The following PRKAG1 variants were observed in gnomAD, a reference collection of about 807,000 sequenced individuals.
PRKAG1 encodes the protein 5'-AMP-activated protein kinase subunit gamma-1.
PRKAG1 carries 27 observed loss-of-function variants against 48.2 expected under a neutral mutation model. The observed-to-expected ratio is 0.56, with a 90% confidence interval of 0.41 to 0.77. The LOEUF (loss-of-function observed/expected upper bound fraction) is 0.77, where lower values mean the gene tolerates loss of function less well. Ranked by LOEUF, PRKAG1 falls within the 30% of genes least tolerant of loss-of-function variation. The pLI, the probability that PRKAG1 is intolerant of heterozygous loss-of-function variation, is 0.00. For missense variants in PRKAG1, 287 were observed against 398.3 expected (o/e 0.72, Z 2.38); for synonymous variants, 130 against 147.7 (o/e 0.88, Z 0.87).
intron 2 of PRKAG1, among the ~76,000 whole-genome samples, chr12:49,011,397 G>C (rs1262608799): frequency 6.6e-6 from 1 of 152,082 alleles, no homozygotes; most frequent in Non-Finnish European, 1.5e-5. Context: ...ATTTTTTGTA[G>C]AGACAGGGTC....
At chr12:49,015,362 A>G (rs140092690) in intron 1 of PRKAG1, among the ~76,000 whole-genome samples, 2 of 152,366 alleles carry the variant, frequency 1.3e-5, no homozygotes, top group East Asian at 3.9e-4. Context: ...CTGGAAACCT[A>G]GAACTATCTT....
chr12:49,015,740 G>GT (rs552646511), intron 1 of PRKAG1, among the ~76,000 whole-genome samples: 83 of 151,340 alleles, frequency 5.5e-4, no homozygotes, highest in South Asian at 1.7e-3. Context: ...GCCCAGCTAA[G>GT]TTTTTTTTTG....
chr12:49,018,489 A>G, intron 1 of PRKAG1: 4 of 1,387,120 alleles, frequency 2.9e-6, no homozygotes, highest in Non-Finnish European at 3.7e-6. Context: ...GGGAGCCAGG[A>G]GTCACTGCCT....
In PRKAG1 at chr12:49,003,225, T is replaced by C. The variant is rs1941365145; in HGVS notation, c.807A>G (p.Arg269=). Residue 269 remains arginine (R), a synonymous_variant, in exon 11 of 12, where the codon CGA becomes CGG. Transcript: ENST00000548065. ...TGAGAACACCCTCAAAGTAATGTGA[T>C]CGATGTTGCAAGGCTTTAGTCACAG... ...DVSVTKALQH[R]SHYFEGVLKC... 2.5e-6 allele frequency: 4 copies of C among 1,614,180 alleles called. No homozygotes were observed. Among genetic ancestry groups the C allele is most frequent in the Non-Finnish European group, 3.4e-6 (4 of 1,180,030 alleles).
chr12:49,018,733 G>A lies in PRKAG1; in HGVS notation c.8C>T (p.Thr3Met), dbSNP rs765950307. The A allele has an allele frequency of 7.4e-6, 12 of 1,613,112 alleles. No individual in the cohort carries two copies. The Admixed American group carries it at 1.0e-4, about 13-fold the overall frequency. The change falls in exon 1 of 12, where the codon ACG becomes ATG. Residue 3 changes from threonine (T) to methionine (M), a missense_variant and splice_region_variant. This residue lies in a region of PRKAG1 where 63 missense variants were observed against 54.0 expected (regional missense o/e 1.17). Transcript: ENST00000548065. The stretch of plus-strand genomic sequence containing the variant: ...CGACCGCCCTCCTGCACTCCTCACC[G>A]TCTCCATTGCAAGAGGCGCCCGGCT... ME[T>M]VISSDSSPAV...
At chr12:49,018,437 A>G in intron 1 of PRKAG1, 1 of 1,320,042 alleles carries the variant, frequency 7.6e-7, no homozygotes, top group South Asian at 1.9e-5. Context: ...GCCAATAGGA[A>G]AGGAGGCCCG....
chr12:49,013,920 T>C (rs1941861335), intron 1 of PRKAG1, among the ~76,000 whole-genome samples: 1 of 152,242 alleles, frequency 6.6e-6, no homozygotes, highest in South Asian at 2.1e-4. Context: ...AGTCTTGCTC[T>C]GTTGCCCAGG....
rs1942125665 is a variant in PRKAG1, at chr12:49,018,757, C to T, written c.-17G>A. 4 of 1,612,634 alleles carry T rather than the reference C, an allele frequency of 2.5e-6. No individual in the cohort carries two copies. Among genetic ancestry groups the T allele is most frequent in the South Asian group, 1.1e-5 (1 of 91,020 alleles). ...CGTCTCCATTGCAAGAGGCGCCCGG[C>T]TTGGTTTCCTCGCTTTAGGAAACTC... On this transcript the variant is annotated 5_prime_UTR_variant, in exon 1 of 12. Coordinates refer to ENST00000548065, the MANE Select transcript of PRKAG1 (RefSeq NM_002733.5).
At chr12:49,018,069 G>A (rs1480245710) in intron 1 of PRKAG1, 1 of 152,160 alleles carries the variant, frequency 6.6e-6, no homozygotes, top group Non-Finnish European at 1.5e-5. Context: ...GGGTGACAGG[G>A]CCCTGCCACA....
At chr12:49,018,540 C>T in intron 1 of PRKAG1, 192 bp downstream of exon 1, 7 of 1,443,424 alleles carry the variant, frequency 4.8e-6, no homozygotes, top group Non-Finnish European at 6.4e-6. Flanking sequence ...GCGGCGGGGA[C>T]GCGGCCCAGT....
At position 49,002,891 on chromosome 12, in the gene PRKAG1, C is replaced by G. The variant is rs201328302; in HGVS notation, c.*8G>C. 6.2e-7 allele frequency: 1 copy of G among 1,611,548 alleles called. No individual in the cohort carries two copies. The highest frequency in any genetic ancestry group is 1.3e-5 in the African/African-American group (1 of 74,988). ...ATCCCCTGGTGCTGCATGACCCCTT[C>G]CCCCAGCTCAGGGCTTCTTCTCTCC... On this transcript the variant is annotated 3_prime_UTR_variant, in exon 12 of 12. Coordinates refer to ENST00000548065, the MANE Select transcript of PRKAG1 (RefSeq NM_002733.5).
At chr12:49,016,986 C>T (rs985496743) in intron 1 of PRKAG1, 2 of 375,778 alleles carry the variant, frequency 5.3e-6, no homozygotes, top group African/African-American at 2.1e-5. Flanking sequence ...TCTCTACATA[C>T]CCCAATTTCA....
intron 2 of PRKAG1, among the ~76,000 whole-genome samples, chr12:49,006,441 T>C (rs1297768036): frequency 6.6e-6 from 1 of 152,110 alleles, no homozygotes; most frequent in African/African-American, 2.4e-5. Context: ...CATTTCTCAT[T>C]AACAATAAGT....
chr12:49,008,696 A>AC (rs1565736614), intron 2 of PRKAG1: 1 of 152,188 alleles, frequency 6.6e-6, no homozygotes, highest in Non-Finnish European at 1.5e-5. Context: ...ATTCGGCTGA[A>AC]TAGAGAATCT....
Position 49,003,144 on chromosome 12 carries a change from C to G in PRKAG1, c.888G>C (p.Glu296Asp). ...ETIINRLVEAEVHRLVVVDEN... is the reference protein window; with the variant it reads ...ETIINRLVEADVHRLVVVDEN... Reference sequence around the variant, plus strand: ...CCTTTAGGGTTGCTGGCCTCCCTACCTCTGCTTCCACTAGCCTGTTGATGA... The same window carrying G: ...CCTTTAGGGTTGCTGGCCTCCCTACGTCTGCTTCCACTAGCCTGTTGATGA... Residue 296 changes from glutamate to aspartate, a missense_variant and splice_region_variant, in exon 11 of 12, where the codon GAG becomes GAC. Physicochemically the swap from Glu to Asp is conservative, Grantham distance 45. Transcript: ENST00000548065. 1.2e-6 allele frequency: 2 copies of G among 1,614,176 alleles called. No individual in the cohort carries two copies. The highest frequency in any genetic ancestry group is 3.3e-4 in the Middle Eastern group (2 of 6,060).
chr12:49,006,779 G>A (rs1232333980), intron 2 of PRKAG1, among the ~76,000 whole-genome samples: 1 of 151,994 alleles, frequency 6.6e-6, no homozygotes, highest in Non-Finnish European at 1.5e-5. Flanking sequence ...AGACCAGCCT[G>A]ACCAACATGG....
At chr12:49,010,306 G>A (rs1257319377) in intron 2 of PRKAG1, among the ~76,000 whole-genome samples, 2 of 152,186 alleles carry the variant, frequency 1.3e-5, no homozygotes, top group African/African-American at 2.4e-5. Context: ...TGCTGACAGT[G>A]AGTCATTTGG....
rs1941342192 is a variant in PRKAG1, at chr12:49,002,847, C to G, written c.*52G>C. The G allele has an allele frequency of 5.3e-6, 8 of 1,509,412 alleles. No individual in the cohort carries two copies. Among genetic ancestry groups the G allele is most frequent in the Non-Finnish European group, 7.3e-6 (8 of 1,090,328 alleles). The allele number at this position is 1,509,412 out of a possible 1,614,324, so 93.5% of individuals were successfully genotyped here. A position where few individuals can be genotyped will look rare whatever the true frequency, so the allele number is the denominator to read the frequency against. On this transcript the variant is annotated 3_prime_UTR_variant, in exon 12 of 12. Coordinates refer to ENST00000548065, the MANE Select transcript of PRKAG1 (RefSeq NM_002733.5). ...CATCTGATTCCCACAGAGCTTCCAGCAGGCAGTGAGTTGGGCATATCCCCT... is the reference window on the plus strand; with the variant it reads ...CATCTGATTCCCACAGAGCTTCCAGGAGGCAGTGAGTTGGGCATATCCCCT...
intron 2 of PRKAG1, among the ~76,000 whole-genome samples, chr12:49,007,281 C>T (rs1237123039): frequency 2.4e-5 from 3 of 124,634 alleles, no homozygotes; most frequent in Non-Finnish European, 3.4e-5. Context: ...AGTGAGACTC[C>T]GTCTCAAAAA....
Sources: allele counts gnomAD v4.1 joint callset (sites outside exome capture counted in the v4.1 genomes callset), GRCh38; gene constraint gnomAD v4.1.1; regional missense constraint gnomAD v4.1.1; transcripts MANE v1.5; gene names NCBI Gene and HGNC (gene_info 2026-07-23, HGNC 2026-07-21).